Variants in APBB2 observed in about 807,000 individuals in gnomAD.
The protein encoded by APBB2 is amyloid beta precursor protein binding family B member 2.
In APBB2, 38 loss-of-function variants were observed where a neutral mutation model predicts 82.5. The ratio of observed to expected loss-of-function variants is 0.46; its 90% CI spans 0.36 to 0.60. The LOEUF (loss-of-function observed/expected upper bound fraction) is 0.60. Among genes scored for constraint, APBB2 ranks in the 20% least tolerant of loss-of-function variants. The pLI, the probability that APBB2 is intolerant of heterozygous loss-of-function variation, is 0.00. For missense variants in APBB2, 772 were observed against 972.3 expected, an observed-to-expected ratio of 0.79 and a Z score of 2.74; for synonymous variants, 341 against 368.2, an observed-to-expected ratio of 0.93 and a Z score of 0.85.
chr4:40,900,836 C>T (rs530617147), intron 10 of APBB2, among the ~76,000 whole-genome samples: 1 of 150,498 alleles, frequency 6.6e-6, no homozygotes, highest in South Asian at 2.1e-4. Context: ...CCTTACAGGA[C>T]AGATTAATTC....
At chr4:41,102,137 TCTA>T (rs1190096959) in intron 2 of APBB2, among the ~76,000 whole-genome samples, 3 of 152,094 alleles carry the variant, frequency 2.0e-5, no homozygotes, top group African/African-American at 7.2e-5. Flanking sequence ...TTACAGGACT[TCTA>T]CTAGACGTAA....
intron 12 of APBB2, among the ~76,000 whole-genome samples, chr4:40,834,626 C>A (rs1753210164): frequency 1.3e-5 from 2 of 152,090 alleles, no homozygotes; most frequent in African/African-American, 4.8e-5. Context: ...AACAAAGGAT[C>A]CTGAGATGGG....
chr4:41,158,135 C>T (rs1379004685), intron 1 of APBB2, among the ~76,000 whole-genome samples: 1 of 152,138 alleles, frequency 6.6e-6, no homozygotes, highest in African/African-American at 2.4e-5. Context: ...GGGTTCAAAG[C>T]CTGGCTCCAC....
At chr4:41,117,500 C>T (rs1362480562) in intron 2 of APBB2, among the ~76,000 whole-genome samples, 1 of 152,078 alleles carries the variant, frequency 6.6e-6, no homozygotes, top group African/African-American at 2.4e-5. Context: ...ACCATCTTGG[C>T]CAGGCTGGTC....
chr4:40,992,679 G>A (rs1579071343), intron 6 of APBB2, among the ~76,000 whole-genome samples: 3 of 152,104 alleles, frequency 2.0e-5, no homozygotes, highest in African/African-American at 4.8e-5. Flanking sequence ...TGGAAGTAAC[G>A]CGGGAAGTAT....
intron 6 of APBB2, among the ~76,000 whole-genome samples, chr4:40,982,457 GAATGAATT>G (rs1799328947): frequency 2.8e-5 from 2 of 70,896 alleles, no homozygotes; most frequent in Admixed American, 1.3e-4. Context: ...AAGAAAGAAT[GAATGAATT>G]TGAGACCAGA....
chr4:41,062,887 G>A (rs1730366979), intron 4 of APBB2, among the ~76,000 whole-genome samples: 1 of 152,156 alleles, frequency 6.6e-6, no homozygotes, highest in Non-Finnish European at 1.5e-5. Context: ...TGCAATTACT[G>A]GACAGCACAC....
chr4:41,076,366 G>GCC (rs1364625903), intron 3 of APBB2, among the ~76,000 whole-genome samples: 5 of 152,136 alleles, frequency 3.3e-5, no homozygotes, highest in Non-Finnish European at 5.9e-5. Flanking sequence ...AGCTTGCTAT[G>GCC]CCCCTCCTCC....
At chr4:41,077,029 C>T (rs1735874361) in intron 3 of APBB2, among the ~76,000 whole-genome samples, 1 of 148,286 alleles carries the variant, frequency 6.7e-6, no homozygotes, top group African/African-American at 2.5e-5. Flanking sequence ...TTTTGAGACA[C>T]AGTCTTGCTC....
At chr4:40,906,656 C>A (rs943138013) in intron 10 of APBB2, among the ~76,000 whole-genome samples, 1 of 151,970 alleles carries the variant, frequency 6.6e-6, no homozygotes, top group Non-Finnish European at 1.5e-5. Context: ...ATTTTCACAA[C>A]CCAGTGAACC....
chr4:41,049,260 C>T (rs1324176649), intron 4 of APBB2, among the ~76,000 whole-genome samples: 1 of 148,876 alleles, frequency 6.7e-6, no homozygotes, highest in African/African-American at 2.5e-5. Context: ...AGGTGAGGAG[C>T]GTCTCTGCCC....
intron 5 of APBB2, among the ~76,000 whole-genome samples, chr4:41,026,674 TTATGGCTGGATAATATTTCATTG>T (rs1714382123): frequency 1.3e-5 from 2 of 152,238 alleles, no homozygotes. Flanking sequence ...TTATTCCTCT[TTATGGCTGGATAATATTTCATTG>T]TATGGCTATA....
At chr4:40,878,721 G>C (rs1767565855) in intron 12 of APBB2, among the ~76,000 whole-genome samples, 1 of 152,094 alleles carries the variant, frequency 6.6e-6, no homozygotes, top group Non-Finnish European at 1.5e-5. Flanking sequence ...TGAGTGAATG[G>C]TGTCAGAGCC....
intron 1 of APBB2, among the ~76,000 whole-genome samples, chr4:41,180,602 C>T (rs534525432): frequency 2.6e-5 from 4 of 152,158 alleles, no homozygotes; most frequent in East Asian, 3.9e-4. Context: ...GAGCTATGAT[C>T]GCACCACTAC....
At chr4:41,152,125 T>C (rs1762417423) in intron 1 of APBB2, among the ~76,000 whole-genome samples, 1 of 152,146 alleles carries the variant, frequency 6.6e-6, no homozygotes, top group South Asian at 2.1e-4. Flanking sequence ...ATTTATTTAG[T>C]TTTTATTTCA....
At chr4:40,816,940 G>T (rs1013511566) in intron 17 of APBB2, among the ~76,000 whole-genome samples, 3 of 152,136 alleles carry the variant, frequency 2.0e-5, no homozygotes, top group African/African-American at 7.2e-5. Flanking sequence ...AATCTTTATG[G>T]ATTAATTTTT....
At chr4:41,203,547 A>T (rs1777224166) in intron 1 of APBB2, among the ~76,000 whole-genome samples, 1 of 152,178 alleles carries the variant, frequency 6.6e-6, no homozygotes, top group Admixed American at 6.5e-5. Flanking sequence ...TGGAACATGG[A>T]GACCCTCTCC....
intron 2 of APBB2, among the ~76,000 whole-genome samples, chr4:41,128,111 T>C (rs1580263877): frequency 6.6e-6 from 1 of 151,550 alleles, no homozygotes; most frequent in African/African-American, 2.4e-5. Context: ...GCAAAAGACA[T>C]GAGGAGACAC....
At chr4:41,088,005 C>T (rs1443810913) in intron 3 of APBB2, among the ~76,000 whole-genome samples, 1 of 152,172 alleles carries the variant, frequency 6.6e-6, no homozygotes, top group Non-Finnish European at 1.5e-5. Flanking sequence ...CCTTCAGATA[C>T]AGACAAGCTG....
Sources: gnomAD v4.1 joint callset for allele counts (sites outside exome capture counted in the v4.1 genomes callset) on GRCh38, gnomAD v4.1.1 for gene constraint, MANE v1.5 for transcripts, NCBI Gene and HGNC (gene_info 2026-07-23, HGNC 2026-07-21) for gene names.